AGO3: variants seen among roughly 807,000 people sequenced by gnomAD.
AGO3 encodes the protein argonaute RISC catalytic component 3, also known as protein argonaute-3.
AGO3 carries 16 observed loss-of-function variants against 105.5 expected under a neutral mutation model. The ratio of observed to expected loss-of-function variants is 0.15; its 90% CI spans 0.10 to 0.23. The LOEUF (loss-of-function observed/expected upper bound fraction) is 0.23, where lower values mean the gene tolerates loss of function less well. AGO3 is among the 10% of genes least tolerant of loss of function. The pLI is 1.00. For synonymous variants in AGO3, 340 were observed against 367.3 expected (o/e 0.93, Z 0.85); for missense variants, 534 against 1,088.0 (o/e 0.49, Z 7.16).
At chr1:35,977,006 G>A (rs900892431) in intron 5 of AGO3, among the ~76,000 whole-genome samples, 1 of 151,830 alleles carries the variant, frequency 6.6e-6, no homozygotes, top group African/African-American at 2.4e-5. Flanking sequence ...GTTTGGTTTG[G>A]TTTGGTTTGC....
rs1016631249 is a variant in AGO3 at position 36,055,673 on chromosome 1, G to A, written c.2511G>A (p.Gly837=). 6.2e-7 allele frequency: 1 copy of A among 1,611,342 alleles called. No individual in the cohort carries two copies. Among genetic ancestry groups the A allele is most frequent in the Admixed American group, 1.7e-5 (1 of 59,626 alleles). The change falls in exon 19 of 19, where the codon GGG becomes GGA. Residue 837 remains glycine (G), a synonymous_variant. Coordinates refer to ENST00000373191, the MANE Select transcript of AGO3 (RefSeq NM_024852.4). This position sits in a 1 kb window ranked among gnomAD's most constrained non-coding sequence, Gnocchi z 4.4. The part of the protein sequence containing the change: ...EGSHVSGQSN[G]RDPQALAKAV... ...GTCACGTTTCAGGACAAAGCAATGG[G>A]CGAGATCCACAAGCTCTTGCCAAGG...
At chr1:35,951,144 T>C (rs1455760487) in intron 2 of AGO3, among the ~76,000 whole-genome samples, 1 of 152,100 alleles carries the variant, frequency 6.6e-6, no homozygotes, top group Non-Finnish European at 1.5e-5. Context: ...GGAGTCGGGG[T>C]TTCGCCATGT....
At chr1:36,002,324 A>ATTT (rs375411955) in intron 5 of AGO3, among the ~76,000 whole-genome samples, 113 of 119,206 alleles carry the variant, frequency 9.5e-4, no homozygotes, top group African/African-American at 3.3e-3. Context: ...AGCCAAGATA[A>ATTT]TTTTTTTTTT....
chr1:35,951,202 C>T (rs1408825669), intron 2 of AGO3, among the ~76,000 whole-genome samples: 3 of 152,054 alleles, frequency 2.0e-5, no homozygotes, highest in Non-Finnish European at 2.9e-5. Flanking sequence ...CCACCCACCT[C>T]GGCTTCCCGA....
At chr1:35,998,992 C>T (rs1345702595) in intron 5 of AGO3, among the ~76,000 whole-genome samples, 1 of 152,084 alleles carries the variant, frequency 6.6e-6, no homozygotes, top group Admixed American at 6.6e-5. Flanking sequence ...GTGTGTCTAG[C>T]CCCACAGTCT....
intron 11 of AGO3, among the ~76,000 whole-genome samples, 193 bp downstream of exon 11, chr1:36,014,241 C>A (rs1272432240): frequency 6.6e-6 from 1 of 151,916 alleles, no homozygotes; most frequent in Non-Finnish European, 1.5e-5. Flanking sequence ...TCACTGCAAC[C>A]TCCACCTCCC....
At chr1:35,936,787 G>A (rs1370071768) in intron 1 of AGO3, among the ~76,000 whole-genome samples, 1 of 152,162 alleles carries the variant, frequency 6.6e-6, no homozygotes, top group Non-Finnish European at 1.5e-5. Flanking sequence ...GCACAGGCTG[G>A]TCTTGAATTC....
rs1300479814 is a variant in AGO3 at position 36,066,385 on chromosome 1, A to AC, written c.*10643dup. The AC allele has an allele frequency of 6.6e-6, 1 of 151,994 alleles. No individual in the cohort carries two copies. Among genetic ancestry groups the AC allele is most frequent in the African/African-American group, 2.4e-5 (1 of 41,356 alleles). 9.4% of individuals were successfully genotyped at this position (151,994 alleles called of 1,614,324 possible). A position where few individuals can be genotyped will look rare whatever the true frequency, so the allele number is the denominator to read the frequency against. ...AGACCAGCCTGGACAACATGGCAAA[A>AC]CCCGTCTCTACTAAAAATACAAAAA... On this transcript the variant is annotated 3_prime_UTR_variant, in exon 19 of 19. Transcript: ENST00000373191.
chr1:35,981,670 GC>G (rs1369167467), intron 5 of AGO3, among the ~76,000 whole-genome samples: 1 of 152,182 alleles, frequency 6.6e-6, no homozygotes, highest in African/African-American at 2.4e-5. Flanking sequence ...AAAAGAGCAT[GC>G]CTCACTTGTA....
At chr1:35,938,291 G>T (rs775050275) in intron 1 of AGO3, among the ~76,000 whole-genome samples, 5 of 151,950 alleles carry the variant, frequency 3.3e-5, no homozygotes, top group Non-Finnish European at 7.4e-5. Flanking sequence ...GCCCAAAAAT[G>T]CATTCTTTTT....
chr1:35,959,286 G>A (rs1487773897), intron 2 of AGO3, among the ~76,000 whole-genome samples: 1 of 152,088 alleles, frequency 6.6e-6, no homozygotes, highest in Non-Finnish European at 1.5e-5. Context: ...AAGTAAGGGT[G>A]GTAGGATAGG....
Position 35,987,271 on chromosome 1 carries a change from C to T in AGO3, c.658+13760C>T, listed in dbSNP as rs555904964. ...TGAACCCAGGAGGCAGAGGTTGCAG[C>T]GAGCCGAGATCATGCCACTGCGCTC... On this transcript the variant is annotated intron_variant, in intron 5 of 18. Transcript: ENST00000373191. Among the ~76,000 whole-genome samples the T allele has an allele frequency of 1.0e-4, 15 of 146,814 alleles. No individual in the cohort carries two copies. The East Asian group carries it at 1.8e-3, about 18-fold the overall frequency.
intron 11 of AGO3, 82 bp downstream of exon 11, chr1:36,014,130 G>C: frequency 6.4e-7 from 1 of 1,563,918 alleles, no homozygotes; most frequent in Non-Finnish European, 8.7e-7. Context: ...AACAGATGTT[G>C]CCTTAATATG....
chr1:36,036,994 C>A (rs1642040869), intron 14 of AGO3, among the ~76,000 whole-genome samples: 1 of 152,056 alleles, frequency 6.6e-6, no homozygotes, highest in South Asian at 2.1e-4. Flanking sequence ...CCGTGCCCAG[C>A]CAAATTCTTT....
At chr1:36,012,694 T>G (rs1181600055) in intron 9 of AGO3, among the ~76,000 whole-genome samples, 2 of 152,166 alleles carry the variant, frequency 1.3e-5, no homozygotes. Context: ...TCTCCCATAG[T>G]CAGAGGTTCT....
At chr1:35,974,427 C>G (rs1403993066) in intron 5 of AGO3, among the ~76,000 whole-genome samples, 1 of 152,112 alleles carries the variant, frequency 6.6e-6, no homozygotes, top group Non-Finnish European at 1.5e-5. Flanking sequence ...ATGTTCAAAT[C>G]TGATTTTGTC....
chr1:36,045,892 T>A (rs1207192978), intron 17 of AGO3, among the ~76,000 whole-genome samples: 1 of 151,956 alleles, frequency 6.6e-6, no homozygotes, highest in Non-Finnish European at 1.5e-5. Context: ...CTGGAGTGCA[T>A]CAGAGGAGTA....
At chr1:35,979,600 A>T (rs1021210697) in intron 5 of AGO3, among the ~76,000 whole-genome samples, 1 of 152,020 alleles carries the variant, frequency 6.6e-6, no homozygotes, top group African/African-American at 2.4e-5. Flanking sequence ...TAAATTTCCT[A>T]TTATTAATAT....
intron 11 of AGO3, among the ~76,000 whole-genome samples, chr1:36,014,950 T>C (rs2148820632): frequency 6.6e-6 from 1 of 152,266 alleles, no homozygotes; most frequent in East Asian, 1.9e-4. Context: ...AACACTCTTG[T>C]GACTAAATGT....
Sources: gnomAD v4.1 joint callset for allele counts (sites outside exome capture counted in the v4.1 genomes callset) on GRCh38, gnomAD v4.1.1 for gene constraint, Gnocchi (gnomAD v3.1) non-coding constraint, MANE v1.5 for transcripts, NCBI Gene and HGNC (gene_info 2026-07-23, HGNC 2026-07-21) for gene names.